DRC11L: variants seen among roughly 807,000 people sequenced by gnomAD.
DRC11L encodes the protein dynein regulatory complex subunit like-11.
the DRC11L span, chr7:151,194,185 C>T: frequency 5.0e-6 from 2 of 397,254 alleles, no homozygotes. Flanking sequence ...AGCCACCCTA[C>T]CCTGACCCCA....
At chr7:151,199,789 G>A in the DRC11L span, among the ~76,000 whole-genome samples, 1 of 152,236 alleles carries the variant, frequency 6.6e-6, no homozygotes, top group African/African-American at 2.4e-5. This position sits in a 1 kb window ranked among gnomAD's most constrained non-coding sequence, Gnocchi z 5.2. Context: ...CTTCCCCCAG[G>A]GAGCATGCTC....
chr7:151,204,959 C>T, the DRC11L span: 4 of 398,134 alleles, frequency 1.0e-5, no homozygotes, highest in Non-Finnish European at 1.8e-5. Flanking sequence ...CTCATGGCTC[C>T]TAAATGGACT....
the DRC11L span, among the ~76,000 whole-genome samples, chr7:151,196,160 G>C: frequency 5.8e-4 from 88 of 152,134 alleles, no homozygotes; most frequent in Non-Finnish European, 4.4e-4. Context: ...CCCTGGCTCC[G>C]AGCCCCTCCC....
chr7:151,202,711 C>T, the DRC11L span, among the ~76,000 whole-genome samples: 3 of 152,162 alleles, frequency 2.0e-5, no homozygotes, highest in East Asian at 3.9e-4. Context: ...ATTAGCTGGG[C>T]GTATTGTCAA....
the DRC11L span, chr7:151,204,772 G>C: frequency 1.3e-5 from 5 of 398,990 alleles, no homozygotes; most frequent in African/African-American, 8.2e-5. Context: ...TCGAGCAGAA[G>C]CTGCTCTTGG....
the DRC11L span, among the ~76,000 whole-genome samples, chr7:151,205,250 T>C: frequency 8.6e-5 from 13 of 151,964 alleles, no homozygotes; most frequent in African/African-American, 3.1e-4. Context: ...GAGGGACCCT[T>C]CCCCAAGCAG....
At chr7:151,196,863 A>G in the DRC11L span, 1 of 398,688 alleles carries the variant, frequency 2.5e-6, no homozygotes. Context: ...CCCTTTGCCT[A>G]CACACCCACA....
At chr7:151,191,042 T>C in the DRC11L span, 1 of 399,870 alleles carries the variant, frequency 2.5e-6, no homozygotes, top group Middle Eastern at 6.3e-4. Context: ...TGGTCCATCC[T>C]GTGTTTCATG....
the DRC11L span, among the ~76,000 whole-genome samples, chr7:151,199,263 G>A: frequency 1.4e-4 from 21 of 152,220 alleles, no homozygotes; most frequent in South Asian, 1.9e-3. This position sits in a 1 kb window ranked among gnomAD's most constrained non-coding sequence, Gnocchi z 5.2. Flanking sequence ...TCCCCTGCCC[G>A]ATTTCCCCAG....
At chr7:151,202,822 T>C in the DRC11L span, 1 of 398,780 alleles carries the variant, frequency 2.5e-6, no homozygotes, top group Non-Finnish European at 4.4e-6. Flanking sequence ...ATCCAAGCAC[T>C]TGCACTCCTG....
chr7:151,201,150 GC>G, the DRC11L span, among the ~76,000 whole-genome samples: 1 of 152,252 alleles, frequency 6.6e-6, no homozygotes, highest in Non-Finnish European at 1.5e-5. The surrounding 1 kb of genome is among the most constrained non-coding windows in gnomAD (Gnocchi z 4.1). Flanking sequence ...CAGAGTCAGG[GC>G]CCGGGCCAGC....
At chr7:151,198,138 A>G in the DRC11L span, among the ~76,000 whole-genome samples, 53 of 151,250 alleles carry the variant, frequency 3.5e-4, no homozygotes, top group Non-Finnish European at 8.8e-5. Flanking sequence ...GGAAGGATAG[A>G]CAGAGAGGTG....
chr7:151,192,625 G>A, the DRC11L span: 5 of 398,674 alleles, frequency 1.3e-5, no homozygotes, highest in Non-Finnish European at 1.8e-5. Context: ...GGAGTAGAGG[G>A]GCATGTGCAA....
the DRC11L span, chr7:151,198,745 C>T: frequency 2.5e-4 from 101 of 398,964 alleles, 1 homozygote; most frequent in Middle Eastern, 3.1e-3. Context: ...CCCTGAGGGA[C>T]CCTGAGCGAA....
chr7:151,203,650 G>T, the DRC11L span: 1 of 393,790 alleles, frequency 2.5e-6, no homozygotes. Context: ...AAACTTAAAG[G>T]GTAATGGGGC....
chr7:151,205,478 C>T, the DRC11L span: 5 of 399,008 alleles, frequency 1.3e-5, no homozygotes, highest in African/African-American at 4.1e-5. Context: ...CCACGCTGCC[C>T]CTTGTTTGCT....
the DRC11L span, among the ~76,000 whole-genome samples, chr7:151,201,358 G>C: frequency 6.6e-6 from 1 of 152,204 alleles, no homozygotes; most frequent in Admixed American, 6.5e-5. The surrounding 1 kb of genome is among the most constrained non-coding windows in gnomAD (Gnocchi z 4.1). Flanking sequence ...TACTCTTGAT[G>C]TCTGGCAACA....
At chr7:151,198,811 A>C in the DRC11L span, 12 of 398,946 alleles carry the variant, frequency 3.0e-5, no homozygotes, top group Admixed American at 5.3e-4. Flanking sequence ...CACTCGATAA[A>C]CCACTGTCGG....
the DRC11L span, chr7:151,196,649 G>C: frequency 2.5e-6 from 1 of 399,012 alleles, no homozygotes. Flanking sequence ...ACACATACGT[G>C]CACACAGACA....
Sources: gnomAD v4.1 joint callset for allele counts (sites outside exome capture counted in the v4.1 genomes callset) on GRCh38, gnomAD v4.1.1 for gene constraint, Gnocchi (gnomAD v3.1) non-coding constraint, MANE v1.5 for transcripts, NCBI Gene and HGNC (gene_info 2026-07-23, HGNC 2026-07-21) for gene names.